Variants in MOGAT1 observed in about 807,000 individuals in gnomAD.
MOGAT1 encodes the protein 2-acylglycerol O-acyltransferase 1.
MOGAT1 carries 32 observed loss-of-function variants against 31.4 expected under a neutral mutation model. The observed-to-expected ratio is 1.02, with a 90% CI of 0.77 to 1.37. The LOEUF is 1.37. Ranked by LOEUF, MOGAT1 falls within the 40% of genes most tolerant of loss-of-function variation. MOGAT1 has a pLI of 0.00. For missense variants in MOGAT1, 426 were observed against 402.0 expected, an observed-to-expected ratio of 1.06 and a Z score of -0.51; for synonymous variants, 145 against 144.5, an observed-to-expected ratio of 1.00 and a Z score of -0.03.
intron 5 of MOGAT1, among the ~76,000 whole-genome samples, chr2:222,704,150 T>A (rs1692969919): frequency 6.6e-6 from 1 of 152,238 alleles, no homozygotes; most frequent in Admixed American, 6.5e-5. Flanking sequence ...GGGCAAGGAA[T>A]TCTATTTCTA....
chr2:222,672,468 C>A (rs538091571), intron 1 of MOGAT1, among the ~76,000 whole-genome samples: 3 of 152,228 alleles, frequency 2.0e-5, no homozygotes, highest in Non-Finnish European at 2.9e-5. Flanking sequence ...GACTCAGTAG[C>A]GTGTGTGTTC....
chr2:222,685,639 T>C (rs1326480159), intron 1 of MOGAT1, among the ~76,000 whole-genome samples: 44 of 150,144 alleles, frequency 2.9e-4, no homozygotes, highest in Admixed American at 9.3e-4. Flanking sequence ...TCTCTCTTGT[T>C]GCCCAGCCTG....
intron 1 of MOGAT1, among the ~76,000 whole-genome samples, chr2:222,678,707 G>A (rs992219359): frequency 2.6e-5 from 4 of 152,112 alleles, no homozygotes; most frequent in East Asian, 1.9e-4. Context: ...TTGAGAGGCC[G>A]AGGCAGGTGA....
intron 3 of MOGAT1, among the ~76,000 whole-genome samples, chr2:222,693,028 C>T (rs1692785619): frequency 6.6e-6 from 1 of 152,120 alleles, no homozygotes; most frequent in Non-Finnish European, 1.5e-5. Context: ...CATTCAGAAT[C>T]CTGTCATAAT....
intron 5 of MOGAT1, among the ~76,000 whole-genome samples, chr2:222,700,056 C>A (rs1191134134): frequency 6.6e-6 from 1 of 152,278 alleles, no homozygotes; most frequent in East Asian, 1.9e-4. Flanking sequence ...ATTCATTAAC[C>A]ATTTTTGATC....
In MOGAT1 at chr2:222,706,530, A is replaced by G. The variant is rs187366936; in HGVS notation, c.854-3206A>G. 1.2e-3 allele frequency among the ~76,000 whole-genome samples: 178 copies of G among 142,976 alleles called. 1 individual carries two copies. The highest frequency in any genetic ancestry group is 1.2e-3 in the Non-Finnish European group (80 of 65,062). 93.8% of individuals were successfully genotyped at this position (142,976 alleles called of 152,430 possible). ...CATGCTTAAGCTCTCTGGAAGAACC[A>G]TCTGAAATGTAGTAAAACAATTAAT... On this transcript the variant is annotated intron_variant, in intron 5 of 5. Transcript: ENST00000446656.
chr2:222,696,529 T>C (rs1337174307), intron 5 of MOGAT1, among the ~76,000 whole-genome samples: 1 of 152,232 alleles, frequency 6.6e-6, no homozygotes, highest in African/African-American at 2.4e-5. Flanking sequence ...ATGTTGAGCA[T>C]TTTTTCATAT....
chr2:222,672,562 G>A (rs1407947598), intron 1 of MOGAT1, among the ~76,000 whole-genome samples: 1 of 152,038 alleles, frequency 6.6e-6, no homozygotes, highest in African/African-American at 2.4e-5. Flanking sequence ...TTTTCTTTTT[G>A]TTTTTTGTTT....
chr2:222,684,536 T>C (rs1276146354), intron 1 of MOGAT1, among the ~76,000 whole-genome samples: 1 of 152,192 alleles, frequency 6.6e-6, no homozygotes, highest in Non-Finnish European at 1.5e-5. Flanking sequence ...AATATCAAAG[T>C]GTATCAGCTG....
intron 1 of MOGAT1, among the ~76,000 whole-genome samples, chr2:222,681,568 G>A (rs560721689): frequency 2.0e-5 from 3 of 152,074 alleles, no homozygotes. Context: ...GGACTTTATG[G>A]AGCCTTCCTC....
At chr2:222,676,454 A>C (rs1404575771) in intron 1 of MOGAT1, among the ~76,000 whole-genome samples, 2 of 152,132 alleles carry the variant, frequency 1.3e-5, no homozygotes, top group Non-Finnish European at 2.9e-5. Context: ...TTTTGTTTCT[A>C]AGCAGCATCC....
chr2:222,690,550 C>A (rs563395756), intron 3 of MOGAT1, among the ~76,000 whole-genome samples: 36 of 152,078 alleles, frequency 2.4e-4, no homozygotes, highest in Non-Finnish European at 3.8e-4. Flanking sequence ...GAGCGATACT[C>A]CGTCTCAAAA....
chr2:222,673,883 C>G lies in MOGAT1; in HGVS notation c.94+2004C>G, dbSNP rs75008177. ...ATGTCTGGCCCATGGAAGATATACA[C>G]GAATACTTGAGATATACACAAATAC... On this transcript the variant is annotated intron_variant, in intron 1 of 5. Coordinates refer to ENST00000446656, the MANE Select transcript of MOGAT1 (RefSeq NM_058165.3). Among the ~76,000 whole-genome samples, 1,423 of 152,240 alleles carry G rather than the reference C, an allele frequency of 9.3e-3. 10 individuals are homozygous for G. The highest frequency in any genetic ancestry group is 0.017 in the Non-Finnish European group (1,131 of 68,018).
At chr2:222,684,727 C>T (rs1692637022) in intron 1 of MOGAT1, among the ~76,000 whole-genome samples, 1 of 152,036 alleles carries the variant, frequency 6.6e-6, no homozygotes, top group Admixed American at 6.6e-5. Flanking sequence ...CAGGTGCCTG[C>T]CACCACGCCC....
At position 222,709,759 on chromosome 2, in the gene MOGAT1, C is replaced by T; in HGVS notation, c.877C>T (p.Gln293Ter). 6.2e-7 allele frequency: 1 copy of T among 1,613,058 alleles called. No individual in the cohort carries two copies. Among genetic ancestry groups the T allele is most frequent in the South Asian group, 1.1e-5 (1 of 90,996 alleles). Residue 293 changes from glutamine (Q) to a stop codon, truncating the protein, a stop_gained, in exon 6 of 6, where the codon CAG (glutamine) becomes TAG (stop). Coordinates refer to ENST00000446656, the MANE Select transcript of MOGAT1 (RefSeq NM_058165.3). LOFTEE classifies it high-confidence loss of function. Reference protein sequence around the residue: ...TVVGRPIPVRQTLNPTQEQIE... With the variant: ...TVVGRPIPVR Reference sequence around the variant, plus strand: ...AGTTGGCCGCCCGATCCCTGTTCGTCAGACTCTGAACCCGACCCAGGAGCA... The same window carrying T: ...AGTTGGCCGCCCGATCCCTGTTCGTTAGACTCTGAACCCGACCCAGGAGCA...
At chr2:222,693,616 T>C in intron 3 of MOGAT1, among the ~76,000 whole-genome samples, 2 of 152,144 alleles carry the variant, frequency 1.3e-5, no homozygotes, top group African/African-American at 4.8e-5. Flanking sequence ...AGTCACGTCT[T>C]ACATGGGTGG....
At chr2:222,679,434 A>C (rs1692547479) in intron 1 of MOGAT1, among the ~76,000 whole-genome samples, 1 of 152,202 alleles carries the variant, frequency 6.6e-6, no homozygotes, top group African/African-American at 2.4e-5. Context: ...CACACCAAAA[A>C]ACCCTCCTGG....
At chr2:222,701,542 A>AG (rs1559234055) in intron 5 of MOGAT1, among the ~76,000 whole-genome samples, 3 of 99,900 alleles carry the variant, frequency 3.0e-5, no homozygotes, top group African/African-American at 1.5e-4. Context: ...AGAGAAAGAA[A>AG]AAAGAAAAAA....
chr2:222,697,484 T>A (rs911153564), intron 5 of MOGAT1, among the ~76,000 whole-genome samples: 1 of 151,902 alleles, frequency 6.6e-6, no homozygotes, highest in Non-Finnish European at 1.5e-5. Context: ...CTGAAGGGAA[T>A]ATTGAGGAGA....
Sources: gnomAD v4.1 joint callset for allele counts (sites outside exome capture counted in the v4.1 genomes callset) on GRCh38, gnomAD v4.1.1 for gene constraint, MANE v1.5 for transcripts, NCBI Gene and HGNC (gene_info 2026-07-23, HGNC 2026-07-21) for gene names.